CRIM1: variants seen among roughly 807,000 people sequenced by gnomAD.
CRIM1 encodes the protein cysteine rich transmembrane BMP regulator 1.
CRIM1 carries 32 observed loss-of-function variants against 116.4 expected under a neutral mutation model. The observed-to-expected ratio is 0.27, with a 90% CI of 0.21 to 0.37. The LOEUF is 0.37. CRIM1 is among the 10% of genes least tolerant of loss of function. CRIM1 has a pLI of 1.00. For synonymous variants in CRIM1, 590 were observed against 509.2 expected (o/e 1.16, Z -2.13); for missense variants, 1,331 against 1,354.8 (o/e 0.98, Z 0.28).
At chr2:36,529,454 C>G in intron 13 of CRIM1, 1 of 209,170 alleles carries the variant, frequency 4.8e-6, no homozygotes, top group Non-Finnish European at 1.0e-5. Context: ...CCACCTTGAT[C>G]TTTAGTTGTT....
intron 13 of CRIM1, among the ~76,000 whole-genome samples, chr2:36,522,568 G>A (rs770816110): frequency 2.6e-5 from 4 of 152,028 alleles, no homozygotes; most frequent in Non-Finnish European, 4.4e-5. Flanking sequence ...TTGGGAGGCC[G>A]AGGCAGACGG....
intron 2 of CRIM1, among the ~76,000 whole-genome samples, chr2:36,422,313 G>C (rs1220362253): frequency 3.3e-5 from 5 of 152,074 alleles, no homozygotes; most frequent in Admixed American, 2.6e-4. Context: ...TTGAATGTCT[G>C]TTAGTGTAGT....
At chr2:36,400,386 A>G (rs1362283900) in intron 2 of CRIM1, among the ~76,000 whole-genome samples, 1 of 152,160 alleles carries the variant, frequency 6.6e-6, no homozygotes, top group Non-Finnish European at 1.5e-5. Context: ...TAGGTGAGTC[A>G]GGATGGAGTG....
intron 7 of CRIM1, among the ~76,000 whole-genome samples, chr2:36,496,657 A>T (rs1473692571): frequency 6.6e-6 from 1 of 152,208 alleles, no homozygotes; most frequent in Admixed American, 6.5e-5. Context: ...AAAACCTGTT[A>T]TGCTGAATAT....
chr2:36,542,027 G>C (rs1666977290), intron 14 of CRIM1, among the ~76,000 whole-genome samples: 1 of 152,188 alleles, frequency 6.6e-6, no homozygotes, highest in Non-Finnish European at 1.5e-5. Context: ...AAAGGGAAAT[G>C]ACTCTCTTCC....
At chr2:36,523,570 C>A (rs1458412207) in intron 13 of CRIM1, among the ~76,000 whole-genome samples, 1 of 152,204 alleles carries the variant, frequency 6.6e-6, no homozygotes, top group Non-Finnish European at 1.5e-5. Flanking sequence ...GCTTTTGTGT[C>A]CAGTAAAGCT....
rs989518034 is a variant in CRIM1, at chr2:36,550,094, A to T, written c.*1393A>T. ...GCGCGCACGCACGCCTTGAGCAGTC[A>T]GCATTGCACCTGCTATGGAGAAGGG... On this transcript the variant is annotated 3_prime_UTR_variant, in exon 17 of 17. Transcript: ENST00000280527. 1.2e-4 allele frequency: 18 copies of T among 152,496 alleles called. No homozygotes were observed. The highest frequency in any genetic ancestry group is 4.3e-4 in the African/African-American group (18 of 41,456). 9.4% of individuals were successfully genotyped at this position (152,496 alleles called of 1,614,324 possible).
intron 2 of CRIM1, among the ~76,000 whole-genome samples, chr2:36,430,247 G>A (rs937919482): frequency 5.9e-5 from 9 of 152,180 alleles, no homozygotes; most frequent in African/African-American, 1.7e-4. Context: ...TGCCCTGGAA[G>A]ATGGCTTTGA....
chr2:36,475,376 T>G (rs1165037202), intron 5 of CRIM1, among the ~76,000 whole-genome samples: 1 of 152,236 alleles, frequency 6.6e-6, no homozygotes, highest in African/African-American at 2.4e-5. Flanking sequence ...TTTTCTTCAT[T>G]TTCTGATTGT....
At chr2:36,512,459 G>A (rs1664753987) in intron 10 of CRIM1, 65 bp downstream of exon 10, 1 of 1,533,896 alleles carries the variant, frequency 6.5e-7, no homozygotes, top group East Asian at 2.3e-5. Flanking sequence ...AGGAACATAA[G>A]GACACCCTGT....
intron 1 of CRIM1, among the ~76,000 whole-genome samples, chr2:36,371,132 A>G (rs535481869): frequency 4.9e-4 from 74 of 152,302 alleles, no homozygotes; most frequent in African/African-American, 1.7e-3. Context: ...GTCAGGTTTC[A>G]GACGCCCCCA....
intron 1 of CRIM1, among the ~76,000 whole-genome samples, chr2:36,391,094 G>A (rs1671546525): frequency 6.7e-6 from 1 of 148,896 alleles, no homozygotes; most frequent in South Asian, 2.1e-4. Flanking sequence ...ACAGGTGTGA[G>A]CCATTGCGCC....
chr2:36,383,459 C>A (rs1670939474), intron 1 of CRIM1, among the ~76,000 whole-genome samples: 1 of 152,180 alleles, frequency 6.6e-6, no homozygotes, highest in Admixed American at 6.5e-5. Flanking sequence ...AAGTTTGATA[C>A]CTACAGAACA....
At chr2:36,431,635 A>T (rs1028764927) in intron 2 of CRIM1, among the ~76,000 whole-genome samples, 2 of 152,204 alleles carry the variant, frequency 1.3e-5, no homozygotes, top group Non-Finnish European at 2.9e-5. Context: ...GTGTTGACAA[A>T]TACTGGAGGT....
intron 4 of CRIM1, among the ~76,000 whole-genome samples, chr2:36,449,291 A>G (rs181174012): frequency 1.3e-5 from 2 of 152,252 alleles, no homozygotes; most frequent in South Asian, 2.1e-4. Flanking sequence ...GCCGGTGCAC[A>G]TCAGCGGAAC....
chr2:36,480,115 G>T (rs1365938394), intron 7 of CRIM1, among the ~76,000 whole-genome samples: 1 of 152,182 alleles, frequency 6.6e-6, no homozygotes, highest in Non-Finnish European at 1.5e-5. Flanking sequence ...AACCATGAAA[G>T]CCAATTTCCA....
At chr2:36,503,895 G>T (rs1681190988) in intron 8 of CRIM1, among the ~76,000 whole-genome samples, 1 of 151,460 alleles carries the variant, frequency 6.6e-6, no homozygotes, top group African/African-American at 2.4e-5. Context: ...TTTTTATACA[G>T]GGTCTTGCTT....
chr2:36,426,639 G>A (rs1674469430), intron 2 of CRIM1, among the ~76,000 whole-genome samples: 1 of 152,072 alleles, frequency 6.6e-6, no homozygotes, highest in Non-Finnish European at 1.5e-5. Flanking sequence ...TTCTTAATCT[G>A]TTGTTAAAAA....
intron 2 of CRIM1, among the ~76,000 whole-genome samples, chr2:36,432,196 T>C (rs3821159): frequency 0.019 from 2,839 of 152,308 alleles, 77 homozygotes; most frequent in East Asian, 0.091. Flanking sequence ...CAAAATGTGT[T>C]CGGTGGGGGA....
Sources: allele counts gnomAD v4.1 joint callset (sites outside exome capture counted in the v4.1 genomes callset), GRCh38; gene constraint gnomAD v4.1.1; transcripts MANE v1.5; gene names NCBI Gene and HGNC (gene_info 2026-07-23, HGNC 2026-07-21).